Variants in FLI1 observed in about 807,000 individuals in gnomAD.
FLI1 encodes the protein Friend leukemia integration 1 transcription factor.
In FLI1, 13 loss-of-function variants were observed where a neutral mutation model predicts 53.1. That is an observed-to-expected ratio of 0.24 (90% CI 0.16 to 0.39). The LOEUF (loss-of-function observed/expected upper bound fraction) is 0.39. FLI1 is among the 10% of genes least tolerant of loss of function. The probability of loss-of-function intolerance (pLI) is 1.00; values close to 1 mark genes in which losing one functional copy is unlikely to be tolerated. For missense variants in FLI1, 424 were observed against 600.5 expected, an observed-to-expected ratio of 0.71 and a Z score of 3.07; for synonymous variants, 244 against 236.7, an observed-to-expected ratio of 1.03 and a Z score of -0.28.
intron 3 of FLI1, among the ~76,000 whole-genome samples, chr11:128,768,756 T>C (rs1148062): frequency 0.24 from 35,362 of 148,462 alleles, 4,268 homozygotes; most frequent in Admixed American, 0.35. Context: ...TAAGGCAGTA[T>C]CCCAGATGTC....
At chr11:128,807,299 G>T in intron 7 of FLI1, 60 bp downstream of exon 7, 4 of 1,197,856 alleles carry the variant, frequency 3.3e-6, no homozygotes, top group Non-Finnish European at 4.8e-6. Flanking sequence ...GATTTCACAT[G>T]GTCAACTGAT....
At chr11:128,720,079 C>T (rs1009831032) in intron 1 of FLI1, among the ~76,000 whole-genome samples, 3 of 152,096 alleles carry the variant, frequency 2.0e-5, no homozygotes, top group Admixed American at 1.3e-4. Context: ...AGAAAGCAGC[C>T]GATTCATATT....
upstream of FLI1, among the ~76,000 whole-genome samples, chr11:128,689,401 CT>C (rs1053115273): frequency 1.3e-5 from 2 of 152,104 alleles, no homozygotes; most frequent in Non-Finnish European, 2.9e-5. Flanking sequence ...TTTTTTTCTC[CT>C]TGTGTACCCC....
At chr11:128,775,699 A>C (rs583700) in intron 4 of FLI1, among the ~76,000 whole-genome samples, 1 of 152,090 alleles carries the variant, frequency 6.6e-6, no homozygotes, top group Non-Finnish European at 1.5e-5. Context: ...TGTGCTTAGG[A>C]GGAAGGCCAG....
chr11:128,716,471 G>A (rs1025661579), intron 1 of FLI1, among the ~76,000 whole-genome samples: 10 of 152,152 alleles, frequency 6.6e-5, no homozygotes, highest in Admixed American at 2.0e-4. Context: ...CTGCCTGTAC[G>A]GGAAGTACAG....
chr11:128,805,498 T>G (rs1177301994), intron 6 of FLI1, 67 bp downstream of exon 6: 1 of 1,005,396 alleles, frequency 9.9e-7, no homozygotes, highest in African/African-American at 1.6e-5. Context: ...GAGAACAGGA[T>G]CATGAGACAC....
intron 5 of FLI1, among the ~76,000 whole-genome samples, chr11:128,787,265 C>T (rs1472139639): frequency 1.3e-5 from 2 of 152,142 alleles, no homozygotes; most frequent in African/African-American, 4.8e-5. Flanking sequence ...CTGGTGCCAT[C>T]ACCATGAGAT....
intron 5 of FLI1, among the ~76,000 whole-genome samples, chr11:128,796,709 T>C (rs1239964180): frequency 6.6e-6 from 1 of 152,212 alleles, no homozygotes; most frequent in Non-Finnish European, 1.5e-5. Flanking sequence ...GCGTGGTGGC[T>C]CACGCCTGTA....
At chr11:128,734,093 G>A (rs559256543) in intron 1 of FLI1, among the ~76,000 whole-genome samples, 14 of 152,312 alleles carry the variant, frequency 9.2e-5, no homozygotes, top group Non-Finnish European at 1.8e-4. Context: ...TTGCTACCAC[G>A]TGCTGAAAAA....
At chr11:128,704,046 T>A (rs1797949646) in intron 1 of FLI1, among the ~76,000 whole-genome samples, 1 of 152,114 alleles carries the variant, frequency 6.6e-6, no homozygotes. Context: ...AAACTAGCTA[T>A]GGGATGTTAG....
intron 1 of FLI1, among the ~76,000 whole-genome samples, chr11:128,747,425 C>G (rs1940445382): frequency 6.6e-6 from 1 of 152,224 alleles, no homozygotes; most frequent in Admixed American, 6.5e-5. Flanking sequence ...CCTGCAGGTT[C>G]TCCCATGCCA....
At chr11:128,784,965 A>G (rs185243649) in intron 5 of FLI1, among the ~76,000 whole-genome samples, 36 of 152,366 alleles carry the variant, frequency 2.4e-4, no homozygotes, top group Non-Finnish European at 4.6e-4. Flanking sequence ...GATGCTGTCT[A>G]TTAATGTCTT....
chr11:128,790,457 TC>T (rs2135884403), intron 5 of FLI1, among the ~76,000 whole-genome samples: 1 of 152,152 alleles, frequency 6.6e-6, no homozygotes, highest in Admixed American at 6.5e-5. Context: ...TGTCCTGGAG[TC>T]AGACTCCAGC....
intron 2 of FLI1, among the ~76,000 whole-genome samples, chr11:128,763,143 G>C (rs1280137328): frequency 6.6e-6 from 1 of 152,156 alleles, no homozygotes; most frequent in Non-Finnish European, 1.5e-5. Flanking sequence ...TGTGTCTCTG[G>C]TGGGAAGGAG....
intron 5 of FLI1, among the ~76,000 whole-genome samples, chr11:128,790,358 G>A (rs1399191786): frequency 6.6e-6 from 1 of 151,840 alleles, no homozygotes; most frequent in East Asian, 1.9e-4. Flanking sequence ...GGAGGAGGGA[G>A]AGCGAGAGAA....
intron 2 of FLI1, among the ~76,000 whole-genome samples, chr11:128,759,438 T>G (rs901210638): frequency 6.6e-6 from 1 of 151,646 alleles, no homozygotes; most frequent in African/African-American, 2.4e-5. Flanking sequence ...GATGGGAGAG[T>G]CAGAAAGACA....
intron 1 of FLI1, among the ~76,000 whole-genome samples, chr11:128,697,660 C>T (rs1472765147): frequency 6.6e-6 from 1 of 152,234 alleles, no homozygotes; most frequent in Admixed American, 6.5e-5. Flanking sequence ...TAGCTGGATA[C>T]ACATTAATTG....
chr11:128,810,390 A>G lies in FLI1; in HGVS notation c.830-69A>G. On this transcript the variant is annotated intron_variant, in intron 8 of 8. Coordinates refer to ENST00000527786, the MANE Select transcript of FLI1 (RefSeq NM_002017.5). This position sits in a 1 kb window ranked among gnomAD's most constrained non-coding sequence, Gnocchi z 6.6. ...AAAGGATGAGAAGCTCCCTGCATTT[A>G]GGGAACTGGGTTCTGCCTTCTCTGG... 1 of 1,447,112 alleles carries G rather than the reference A, an allele frequency of 6.9e-7. No homozygotes were observed. The highest frequency in any genetic ancestry group is 1.3e-5 in the South Asian group (1 of 76,462). The allele number at this position is 1,447,112 out of a possible 1,614,324, so 89.6% of individuals were successfully genotyped here. A position where few individuals can be genotyped will look rare whatever the true frequency, so the allele number is the denominator to read the frequency against.
intron 1 of FLI1, among the ~76,000 whole-genome samples, chr11:128,694,846 C>T (rs181101348): frequency 6.6e-6 from 1 of 152,268 alleles, no homozygotes; most frequent in Non-Finnish European, 1.5e-5. Flanking sequence ...ATGGAAGCCC[C>T]TGTTTACATG....
Sources: gnomAD v4.1 joint callset for allele counts (sites outside exome capture counted in the v4.1 genomes callset) on GRCh38, gnomAD v4.1.1 for gene constraint, Gnocchi (gnomAD v3.1) non-coding constraint, MANE v1.5 for transcripts, NCBI Gene and HGNC (gene_info 2026-07-23, HGNC 2026-07-21) for gene names.